CSGALNACT1: variants seen among roughly 807,000 people sequenced by gnomAD.
The protein encoded by CSGALNACT1 is beta4GalNAcT-1.
CSGALNACT1 carries 52 observed loss-of-function variants against 51.0 expected under a neutral mutation model. The ratio of observed to expected loss-of-function variants is 1.02; its 90% CI spans 0.82 to 1.29. The LOEUF is 1.29. Among genes scored for constraint, CSGALNACT1 ranks in the 50% most tolerant of loss-of-function variants. The probability of loss-of-function intolerance (pLI) is 0.00; values close to 1 mark genes in which losing one functional copy is unlikely to be tolerated. For synonymous variants in CSGALNACT1, 341 were observed against 254.4 expected, an observed-to-expected ratio of 1.34 and a Z score of -3.24; for missense variants, 935 against 679.2, an observed-to-expected ratio of 1.38 and a Z score of -4.19.
At chr8:19,525,743 G>A (rs750021342) in intron 3 of CSGALNACT1, among the ~76,000 whole-genome samples, 12 of 150,616 alleles carry the variant, frequency 8.0e-5, no homozygotes, top group East Asian at 3.9e-4. Context: ...GCCTGCCCTC[G>A]GAGCACATTT....
At chr8:19,735,440 C>A (rs192982304) in intron 1 of CSGALNACT1, among the ~76,000 whole-genome samples, 1 of 152,120 alleles carries the variant, frequency 6.6e-6, no homozygotes, top group Non-Finnish European at 1.5e-5. Context: ...CCACAGATAA[C>A]ATTCCAATGA....
At chr8:19,502,145 C>T (rs925549637) in intron 4 of CSGALNACT1, among the ~76,000 whole-genome samples, 2 of 152,210 alleles carry the variant, frequency 1.3e-5, no homozygotes, top group Non-Finnish European at 1.5e-5. Context: ...CTGATTGCTT[C>T]CTTTTATAGA....
chr8:19,441,004 C>T (rs2061246544), intron 5 of CSGALNACT1, among the ~76,000 whole-genome samples: 1 of 152,194 alleles, frequency 6.6e-6, no homozygotes, highest in Non-Finnish European at 1.5e-5. Context: ...AGGAATCCAA[C>T]TTACAAGGAA....
At chr8:19,573,053 C>T (rs1471547397) in intron 3 of CSGALNACT1, among the ~76,000 whole-genome samples, 1 of 152,176 alleles carries the variant, frequency 6.6e-6, no homozygotes, top group African/African-American at 2.4e-5. Flanking sequence ...ATGAAATGAA[C>T]TGGAAGTGGG....
intron 4 of CSGALNACT1, among the ~76,000 whole-genome samples, chr8:19,501,632 AG>A (rs1254808397): frequency 5.9e-5 from 9 of 152,364 alleles, no homozygotes; most frequent in African/African-American, 1.4e-4. Context: ...TGCCTCACAT[AG>A]GGGTCACATT....
chr8:19,659,533 G>T (rs1289820335), intron 1 of CSGALNACT1, among the ~76,000 whole-genome samples: 1 of 152,150 alleles, frequency 6.6e-6, no homozygotes, highest in Non-Finnish European at 1.5e-5. Flanking sequence ...ATCCCCCAGA[G>T]TTTCTGTCTC....
chr8:19,747,258 C>CA (rs11376280), intron 1 of CSGALNACT1, among the ~76,000 whole-genome samples: 24,699 of 144,504 alleles, frequency 0.17, 2,140 homozygotes, highest in Middle Eastern at 0.33. Context: ...GGAGAGAAAG[C>CA]AAAAAAAAAA....
intron 4 of CSGALNACT1, among the ~76,000 whole-genome samples, chr8:19,486,748 A>G (rs1005052033): frequency 3.9e-5 from 6 of 152,068 alleles, no homozygotes; most frequent in African/African-American, 1.4e-4. Context: ...TTGTTCCTCT[A>G]AAGGGAATCC....
At chr8:19,626,181 C>G (rs528217684) in intron 1 of CSGALNACT1, among the ~76,000 whole-genome samples, 7 of 152,230 alleles carry the variant, frequency 4.6e-5, no homozygotes, top group African/African-American at 1.7e-4. Context: ...TACTGTGTAA[C>G]TATAGTAATC....
chr8:19,622,607 A>T (rs1470830694), intron 1 of CSGALNACT1, among the ~76,000 whole-genome samples: 1 of 152,248 alleles, frequency 6.6e-6, no homozygotes, highest in Non-Finnish European at 1.5e-5. Context: ...AAATGGAGTT[A>T]AAAGTATTTT....
At chr8:19,453,312 T>C (rs2063523348) in intron 5 of CSGALNACT1, among the ~76,000 whole-genome samples, 1 of 151,614 alleles carries the variant, frequency 6.6e-6, no homozygotes, top group African/African-American at 2.4e-5. Flanking sequence ...GCTCGGAAAA[T>C]AAATCAACAG....
chr8:19,723,487 G>A (rs1445199820), intron 1 of CSGALNACT1, among the ~76,000 whole-genome samples: 1 of 152,158 alleles, frequency 6.6e-6, no homozygotes, highest in Non-Finnish European at 1.5e-5. Context: ...ATGACTAGTT[G>A]ACTTTGTTAG....
At position 19,427,730 on chromosome 8, in the gene CSGALNACT1, G is replaced by A. The variant is rs144849951; in HGVS notation, c.954-7212C>T. Reference sequence around the variant, plus strand: ...GTGAACCCAGTGGGCGAAGCTTGCCGTTAGCCGAGATCGCGCCACTGCACT... The same window carrying A: ...GTGAACCCAGTGGGCGAAGCTTGCCATTAGCCGAGATCGCGCCACTGCACT... On this transcript the variant is annotated intron_variant, in intron 6 of 9. Coordinates refer to ENST00000454498, the Ensembl canonical transcript of CSGALNACT1. Among the ~76,000 whole-genome samples, 437 of 152,120 alleles carry A rather than the reference G, an allele frequency of 2.9e-3. 13 individuals are homozygous for A. The East Asian group carries it at 0.066, about 23-fold the overall frequency.
chr8:19,435,597 C>T (rs1027120832), intron 6 of CSGALNACT1, among the ~76,000 whole-genome samples: 1 of 152,064 alleles, frequency 6.6e-6, no homozygotes, highest in Admixed American at 6.6e-5. Flanking sequence ...ACATGTGGAA[C>T]TAGTTCAGTG....
At position 19,529,581 on chromosome 8, in the gene CSGALNACT1, C is replaced by A. The variant is rs933711889; in HGVS notation, c.-296-23451G>T. Among the ~76,000 whole-genome samples, 4 of 152,280 alleles carry A rather than the reference C, an allele frequency of 2.6e-5. No individual in the cohort carries two copies. The East Asian group carries it at 7.7e-4, about 29-fold the overall frequency. On this transcript the variant is annotated intron_variant, in intron 3 of 9. Coordinates refer to ENST00000454498, the Ensembl canonical transcript of CSGALNACT1. ...AAATATCAGGAATAGTTATCAAATA[C>A]GTATCAATATCAAAATAGCAGTGAA...
intron 1 of CSGALNACT1, among the ~76,000 whole-genome samples, chr8:19,681,572 C>T (rs755642081): frequency 1.1e-4 from 16 of 152,220 alleles, no homozygotes; most frequent in Non-Finnish European, 1.9e-4. Context: ...AGGCGACATA[C>T]TGCCCAAATC....
intron 4 of CSGALNACT1, among the ~76,000 whole-genome samples, chr8:19,503,602 C>A (rs754049066): frequency 4.0e-4 from 61 of 151,850 alleles, no homozygotes; most frequent in Non-Finnish European, 6.8e-4. Flanking sequence ...ATGATTTTCC[C>A]TGAGGGTCGG....
chr8:19,664,646 AACACAC>A (rs34245346), intron 1 of CSGALNACT1, among the ~76,000 whole-genome samples: 21 of 150,700 alleles, frequency 1.4e-4, no homozygotes, highest in African/African-American at 2.2e-4. Context: ...CAAACACACA[AACACAC>A]ACACACACAC....
At chr8:19,519,294 C>T (rs928008785) in intron 3 of CSGALNACT1, among the ~76,000 whole-genome samples, 1 of 152,138 alleles carries the variant, frequency 6.6e-6, no homozygotes, top group Non-Finnish European at 1.5e-5. Flanking sequence ...TTGTTGATCC[C>T]CATTCTCCTA....
Sources: allele counts gnomAD v4.1 joint callset (sites outside exome capture counted in the v4.1 genomes callset), GRCh38; gene constraint gnomAD v4.1.1; transcripts MANE v1.5; gene names NCBI Gene and HGNC (gene_info 2026-07-23, HGNC 2026-07-21).